Variants in GRID2 observed in about 807,000 individuals in gnomAD.
The protein encoded by GRID2 is glutamate ionotropic receptor delta type subunit 2, also known as glutamate receptor ionotropic, delta-2.
Under a neutral mutation model 114.8 loss-of-function variants are expected in GRID2, and 33 were observed. The observed-to-expected ratio is 0.29, with a 90% CI of 0.22 to 0.38. The LOEUF (loss-of-function observed/expected upper bound fraction) is 0.38, where lower values mean the gene tolerates loss of function less well. Among genes scored for constraint, GRID2 ranks in the 10% least tolerant of loss-of-function variants. The probability of loss-of-function intolerance (pLI) is 1.00; values close to 1 mark genes in which losing one functional copy is unlikely to be tolerated. For missense variants in GRID2, 1,184 were observed against 1,257.7 expected (o/e 0.94, Z 0.89); for synonymous variants, 505 against 449.9 (o/e 1.12, Z -1.55).
chr4:92,922,503 C>T (rs1269166870), intron 2 of GRID2, among the ~76,000 whole-genome samples: 2 of 152,062 alleles, frequency 1.3e-5, no homozygotes, highest in African/African-American at 2.4e-5. Flanking sequence ...CAGAAACTGA[C>T]ACTTAACTTT....
chr4:92,308,832 A>G (rs1252081453), intron 1 of GRID2, among the ~76,000 whole-genome samples: 1 of 151,946 alleles, frequency 6.6e-6, no homozygotes, highest in African/African-American at 2.4e-5. Flanking sequence ...AGATGTCTCA[A>G]TGATATTTTA....
chr4:92,953,749 T>G (rs1022716323), intron 2 of GRID2, among the ~76,000 whole-genome samples: 1 of 152,114 alleles, frequency 6.6e-6, no homozygotes, highest in Non-Finnish European at 1.5e-5. Context: ...TACCATATTT[T>G]TTTATGAACC....
At chr4:93,749,724 C>T (rs913593982) in intron 14 of GRID2, among the ~76,000 whole-genome samples, 6 of 152,188 alleles carry the variant, frequency 3.9e-5, no homozygotes, top group Admixed American at 2.0e-4. Context: ...TGGCGTCATC[C>T]CCCTCTACAG....
At position 92,399,510 on chromosome 4, in the gene GRID2, C is replaced by G. The variant is rs138439377; in HGVS notation, c.88+94766C>G. Among the ~76,000 whole-genome samples, 40 of 152,194 alleles carry G rather than the reference C, an allele frequency of 2.6e-4. No individual in the cohort carries two copies. In the East Asian group the frequency reaches 7.5e-3, roughly 29 times the overall value. Reference sequence around the variant, plus strand: ...ACTTGGGGTTAGATTATACTGTATTCTTATTCGCTGACAAATATTATTTTT... The same window carrying G: ...ACTTGGGGTTAGATTATACTGTATTGTTATTCGCTGACAAATATTATTTTT... On this transcript the variant is annotated intron_variant, in intron 1 of 15. Transcript: ENST00000282020.
chr4:92,656,606 A>G (rs901275946), intron 2 of GRID2, among the ~76,000 whole-genome samples: 3 of 151,792 alleles, frequency 2.0e-5, no homozygotes, highest in Admixed American at 6.6e-5. Context: ...TAAAATCATC[A>G]CAATCTAATC....
chr4:92,705,094 A>G (rs1300486881), intron 2 of GRID2, among the ~76,000 whole-genome samples: 2 of 152,132 alleles, frequency 1.3e-5, no homozygotes, highest in African/African-American at 2.4e-5. Flanking sequence ...CTTCAGGAAA[A>G]CAGCAAGGCC....
chr4:92,645,024 T>G (rs899089533), intron 2 of GRID2, among the ~76,000 whole-genome samples: 3 of 151,548 alleles, frequency 2.0e-5, no homozygotes, highest in Non-Finnish European at 4.4e-5. Context: ...TAGATCTAGC[T>G]TCTAACATAA....
At chr4:93,264,967 G>A (rs1290434332) in intron 8 of GRID2, among the ~76,000 whole-genome samples, 1 of 151,534 alleles carries the variant, frequency 6.6e-6, no homozygotes, top group East Asian at 1.9e-4. Flanking sequence ...ATTTTTAGTA[G>A]AGACGGGGTT....
At chr4:92,947,487 T>A (rs1297516008) in intron 2 of GRID2, among the ~76,000 whole-genome samples, 1 of 151,970 alleles carries the variant, frequency 6.6e-6, no homozygotes, top group African/African-American at 2.4e-5. Context: ...AGAATAAAGA[T>A]AAATTATAAA....
intron 1 of GRID2, among the ~76,000 whole-genome samples, chr4:92,428,733 T>C (rs1011792229): frequency 2.0e-5 from 3 of 152,210 alleles, no homozygotes; most frequent in Non-Finnish European, 4.4e-5. Context: ...CTACATTTCC[T>C]ATCTTTTAAT....
At chr4:92,422,306 C>T (rs753358923) in intron 1 of GRID2, among the ~76,000 whole-genome samples, 2 of 152,008 alleles carry the variant, frequency 1.3e-5, no homozygotes, top group Non-Finnish European at 2.9e-5. Flanking sequence ...TCCAGGGATT[C>T]GTTCAAAGAG....
At chr4:92,917,217 T>C (rs984396485) in intron 2 of GRID2, among the ~76,000 whole-genome samples, 2 of 152,214 alleles carry the variant, frequency 1.3e-5, no homozygotes, top group African/African-American at 4.8e-5. Flanking sequence ...GTTTGTTTTT[T>C]TCTTGTAAAT....
intron 8 of GRID2, among the ~76,000 whole-genome samples, chr4:93,343,727 A>G (rs1759901420): frequency 6.6e-6 from 1 of 152,118 alleles, no homozygotes; most frequent in Non-Finnish European, 1.5e-5. Context: ...ATTATGTTAA[A>G]GATAGAAAGC....
At chr4:92,844,901 A>G (rs1743193647) in intron 2 of GRID2, among the ~76,000 whole-genome samples, 3 of 152,024 alleles carry the variant, frequency 2.0e-5, no homozygotes, top group Admixed American at 2.0e-4. Context: ...TTTAATAAGG[A>G]CATTCTTAAT....
At chr4:93,337,431 A>C (rs1759198402) in intron 8 of GRID2, among the ~76,000 whole-genome samples, 1 of 152,210 alleles carries the variant, frequency 6.6e-6, no homozygotes, top group African/African-American at 2.4e-5. Context: ...AGAGGAGCCC[A>C]CATGAATGTT....
chr4:92,456,297 C>G (rs1217578619), intron 1 of GRID2, among the ~76,000 whole-genome samples: 1 of 151,902 alleles, frequency 6.6e-6, no homozygotes, highest in Admixed American at 6.6e-5. Flanking sequence ...TCCATTATTC[C>G]TTTAGGATCT....
chr4:93,587,116 A>G (rs986840196), intron 13 of GRID2, among the ~76,000 whole-genome samples: 1 of 151,996 alleles, frequency 6.6e-6, no homozygotes, highest in Non-Finnish European at 1.5e-5. Context: ...ATTTCTCTTT[A>G]TTCCCTCTGT....
At chr4:92,896,648 A>G (rs1747185552) in intron 2 of GRID2, among the ~76,000 whole-genome samples, 1 of 152,146 alleles carries the variant, frequency 6.6e-6, no homozygotes, top group East Asian at 1.9e-4. Flanking sequence ...CATTTACATC[A>G]TAACAATTTC....
At chr4:93,592,666 C>CTCCCACTA (rs1402702984) in intron 13 of GRID2, among the ~76,000 whole-genome samples, 4 of 152,084 alleles carry the variant, frequency 2.6e-5, no homozygotes, top group African/African-American at 9.7e-5. Flanking sequence ...GTGTTAAAGT[C>CTCCCACTA]TCCCACTATT....
Sources: gnomAD v4.1 joint callset for allele counts (sites outside exome capture counted in the v4.1 genomes callset) on GRCh38, gnomAD v4.1.1 for gene constraint, MANE v1.5 for transcripts, NCBI Gene and HGNC (gene_info 2026-07-23, HGNC 2026-07-21) for gene names.